The following NLRP2 variants were observed in gnomAD, a reference collection of about 807,000 sequenced individuals.
NLRP2 encodes NACHT, LRR and PYD domains-containing protein 2.
Under a neutral mutation model 97.2 loss-of-function variants are expected in NLRP2, and 107 were observed. The observed-to-expected ratio is 1.10, with a 90% CI of 0.94 to 1.29. NLRP2 has a LOEUF of 1.29. Ranked by LOEUF, NLRP2 falls within the 50% of genes most tolerant of loss-of-function variation. The probability of loss-of-function intolerance (pLI) is 0.00; values close to 1 mark genes in which losing one functional copy is unlikely to be tolerated. For synonymous variants in NLRP2, 663 were observed against 551.5 expected, an observed-to-expected ratio of 1.20 and a Z score of -2.83; for missense variants, 1,495 against 1,330.3, an observed-to-expected ratio of 1.12 and a Z score of -1.93.
chr19:54,970,375 GC>G, intron 2 of NLRP2, 80 bp downstream of exon 2: 3 of 1,544,094 alleles, frequency 1.9e-6, no homozygotes, highest in South Asian at 1.1e-5. Flanking sequence ...AGAAGGCCAG[GC>G]GCGCTGGCTC....
intron 2 of NLRP2, among the ~76,000 whole-genome samples, chr19:54,972,279 TC>T (rs1421953803): frequency 6.6e-6 from 1 of 152,072 alleles, no homozygotes; most frequent in Non-Finnish European, 1.5e-5. Flanking sequence ...CCCCCTGGGT[TC>T]AAGTGTTTCT....
Position 54,990,567 on chromosome 19 carries a change from G to A in NLRP2, c.2603G>A (p.Arg868Gln), listed in dbSNP as rs765436175. 4.3e-5 allele frequency: 69 copies of A among 1,613,858 alleles called. 1 individual carries two copies. In the Middle Eastern group the frequency reaches 1.3e-3, roughly 31 times the overall value. The change falls in exon 10 of 13, where the codon CGG becomes CAG. Residue 868 changes from arginine to glutamine, a missense_variant. Transcript: ENST00000448584. ...CTTGCTGCTGTGTTGGTTGTCAGCC[G>A]GGAGCTGACACACCTGTGCTTGGCC... is the stretch of plus-strand genomic sequence containing the variant. Reference protein sequence around the residue: ...KDLAAVLVVSRELTHLCLAKN... With the variant: ...KDLAAVLVVSQELTHLCLAKN...
intron 11 of NLRP2, among the ~76,000 whole-genome samples, chr19:54,995,624 C>T (rs939266130): frequency 6.6e-5 from 10 of 151,952 alleles, no homozygotes; most frequent in African/African-American, 2.4e-4. Context: ...GATATCGTGC[C>T]AGAAAATGCT....
chr19:54,975,377 C>T (rs563383482), intron 3 of NLRP2, among the ~76,000 whole-genome samples: 2 of 145,524 alleles, frequency 1.4e-5, no homozygotes, highest in East Asian at 4.4e-4. Flanking sequence ...CTGCCTCACC[C>T]TCCCAAACTG....
At chr19:54,996,462 C>CA (rs1234701556) in intron 11 of NLRP2, among the ~76,000 whole-genome samples, 1 of 152,106 alleles carries the variant, frequency 6.6e-6, no homozygotes, top group African/African-American at 2.4e-5. Context: ...GAGATCATGC[C>CA]ACAGCACTCC....
Position 54,982,406 on chromosome 19 carries a change from C to G in NLRP2, c.708C>G (p.Ile236Met). ...LMLDWAEDNL[I>M]HKFKYAFYLS... ...TAGACTGGGCAGAGGACAACCTCAT[C>G]CACAAATTCAAATATGCGTTCTACC... Residue 236 changes from isoleucine (I) to methionine (M), a missense_variant, in exon 6 of 13, where the codon ATC becomes ATG. Physicochemically the swap from Ile to Met is conservative, Grantham distance 10. Coordinates refer to ENST00000448584, the MANE Select transcript of NLRP2 (RefSeq NM_017852.5). 1 of 1,614,128 alleles carries G rather than the reference C, an allele frequency of 6.2e-7. No homozygotes were observed. The highest frequency in any genetic ancestry group is 8.5e-7 in the Non-Finnish European group (1 of 1,180,048).
chr19:54,982,421 T>C lies in NLRP2; in HGVS notation c.723T>C (p.Tyr241=), dbSNP rs200401084. 25 of 1,613,996 alleles carry C rather than the reference T, an allele frequency of 1.5e-5. No individual in the cohort carries two copies. Among genetic ancestry groups the C allele is most frequent in the Non-Finnish European group, 1.8e-5 (21 of 1,180,034 alleles). ...AEDNLIHKFK[Y]AFYLSCRELS... ...ACAACCTCATCCACAAATTCAAATA[T>C]GCGTTCTACCTCAGCTGCAGGGAGC... Residue 241 remains tyrosine (Y), a synonymous_variant, in exon 6 of 13, where the codon TAT becomes TAC. Coordinates refer to ENST00000448584, the MANE Select transcript of NLRP2 (RefSeq NM_017852.5).
At chr19:54,980,188 TAAAG>T (rs1341124871) in intron 4 of NLRP2, among the ~76,000 whole-genome samples, 1 of 138,910 alleles carries the variant, frequency 7.2e-6, no homozygotes, top group African/African-American at 2.7e-5. Context: ...GCATGGCAGG[TAAAG>T]AAATGTTTTG....
chr19:54,990,231 A>C, intron 9 of NLRP2, 39 bp downstream of exon 9: 1 of 1,601,744 alleles, frequency 6.2e-7, no homozygotes, highest in South Asian at 1.1e-5. Flanking sequence ...TGTGCTTTCG[A>C]TCTGGGGCCA....
In NLRP2 at chr19:54,983,197, C is replaced by G. The variant is rs1568499753; in HGVS notation, c.1499C>G (p.Ser500Cys). 1 of 1,614,008 alleles carries G rather than the reference C, an allele frequency of 6.2e-7. No homozygotes were observed. The highest frequency in any genetic ancestry group is 8.5e-7 in the Non-Finnish European group (1 of 1,179,926). Reference sequence around the variant, plus strand: ...GACAGAGTCTCCAAAGGCTGCTACTCCTTCATCCACCTCAGCTTCCAGCAG... The same window carrying G: ...GACAGAGTCTCCAAAGGCTGCTACTGCTTCATCCACCTCAGCTTCCAGCAG... ...RQDRVSKGCYSFIHLSFQQFL... is the reference protein window; with the variant it reads ...RQDRVSKGCYCFIHLSFQQFL... The change falls in exon 6 of 13, where the codon TCC becomes TGC. Residue 500 changes from serine to cysteine, a missense_variant. Ser to Cys is a moderately radical substitution (Grantham distance 112). Coordinates refer to ENST00000448584, the MANE Select transcript of NLRP2 (RefSeq NM_017852.5).
At chr19:54,997,275 A>G in intron 11 of NLRP2, 42 bp from the exon 12 acceptor site, 4 of 1,606,224 alleles carry the variant, frequency 2.5e-6, no homozygotes, top group Non-Finnish European at 3.4e-6. Context: ...GGCATCGATC[A>G]GCACTGGCTG....
At chr19:54,966,872 T>C (rs1232397791) in intron 1 of NLRP2, among the ~76,000 whole-genome samples, 1 of 135,000 alleles carries the variant, frequency 7.4e-6, no homozygotes, top group Non-Finnish European at 1.6e-5. Context: ...TTGAGGGTCT[T>C]ACTCTGTTTC....
intron 10 of NLRP2, chr19:54,991,526 C>G (rs2072472628): frequency 1.3e-5 from 2 of 149,038 alleles, no homozygotes; most frequent in Admixed American, 6.7e-5. Context: ...GAAGTCCAGT[C>G]TGGCCAATAG....
At chr19:54,990,769 C>T in intron 10 of NLRP2, 97 bp downstream of exon 10, 1 of 1,270,314 alleles carries the variant, frequency 7.9e-7, no homozygotes, top group Non-Finnish European at 1.1e-6. Flanking sequence ...CTTAATTCCT[C>T]TAAAAGTTCC....
At chr19:54,993,142 C>T (rs1030819599) in intron 10 of NLRP2, 2 of 149,702 alleles carry the variant, frequency 1.3e-5, no homozygotes, top group African/African-American at 4.9e-5. Flanking sequence ...TTGCTTGAAC[C>T]TGGGAGGCGG....
chr19:54,981,077 C>G (rs2071538997), intron 4 of NLRP2, among the ~76,000 whole-genome samples: 1 of 152,206 alleles, frequency 6.6e-6, no homozygotes, highest in Non-Finnish European at 1.5e-5. Flanking sequence ...CGCCACTGCA[C>G]TCCAGCCTGG....
At chr19:54,978,234 A>AT (rs5828609) in intron 4 of NLRP2, among the ~76,000 whole-genome samples, 180 of 131,748 alleles carry the variant, frequency 1.4e-3, no homozygotes, top group South Asian at 5.8e-3. Context: ...CACCCAGCTA[A>AT]TTTTTTTTTT....
intron 10 of NLRP2, among the ~76,000 whole-genome samples, chr19:54,992,059 G>A (rs540308727): frequency 3.2e-4 from 48 of 150,876 alleles, no homozygotes; most frequent in African/African-American, 1.1e-3. Context: ...TGGGATTACA[G>A]GCACTCACCA....
chr19:54,966,849 T>G (rs191873905), intron 1 of NLRP2, among the ~76,000 whole-genome samples: 1 of 128,772 alleles, frequency 7.8e-6, no homozygotes, highest in East Asian at 2.3e-4. Context: ...TTTTTTTTTT[T>G]TTCTTCTCTT....
Sources: allele counts gnomAD v4.1 joint callset (sites outside exome capture counted in the v4.1 genomes callset), GRCh38; gene constraint gnomAD v4.1.1; transcripts MANE v1.5; gene names NCBI Gene and HGNC (gene_info 2026-07-23, HGNC 2026-07-21).